AUTS2: variants seen among roughly 807,000 people sequenced by gnomAD.
AUTS2 encodes autism susceptibility gene 2 protein.
AUTS2 carries 17 observed loss-of-function variants against 112.4 expected under a neutral mutation model. The observed-to-expected ratio is 0.15, with a 90% CI of 0.10 to 0.23. The LOEUF (loss-of-function observed/expected upper bound fraction) is 0.23. Ranked by LOEUF, AUTS2 falls within the 10% of genes least tolerant of loss-of-function variation. The probability of loss-of-function intolerance (pLI) is 1.00; values close to 1 mark genes in which losing one functional copy is unlikely to be tolerated. For synonymous variants in AUTS2, 751 were observed against 702.7 expected (o/e 1.07, Z -1.09); for missense variants, 1,510 against 1,701.6 (o/e 0.89, Z 1.98).
intron 14 of AUTS2, among the ~76,000 whole-genome samples, chr7:70,779,372 G>T (rs920089366): frequency 6.6e-6 from 1 of 152,180 alleles, no homozygotes; most frequent in African/African-American, 2.4e-5. Context: ...TACTGTGGCG[G>T]GCTGGGGGCA....
chr7:70,697,560 T>TCCA (rs66739924), intron 5 of AUTS2, among the ~76,000 whole-genome samples: 134 of 127,796 alleles, frequency 1.0e-3, no homozygotes, highest in African/African-American at 3.9e-3. Context: ...ACTTCAGAAT[T>TCCA]CCCCCCCCCC....
intron 1 of AUTS2, among the ~76,000 whole-genome samples, chr7:69,664,386 T>C (rs558795406): frequency 6.6e-6 from 1 of 152,342 alleles, no homozygotes; most frequent in Non-Finnish European, 1.5e-5. Context: ...GAGTTTTGCC[T>C]ACATGCATTA....
chr7:69,848,268 A>G (rs1288637917), intron 1 of AUTS2, among the ~76,000 whole-genome samples: 1 of 152,160 alleles, frequency 6.6e-6, no homozygotes. Flanking sequence ...CTGTAACCCC[A>G]TTAAGAGGTT....
At chr7:70,023,007 A>G (rs1457190202) in intron 2 of AUTS2, among the ~76,000 whole-genome samples, 3 of 152,040 alleles carry the variant, frequency 2.0e-5, no homozygotes, top group Non-Finnish European at 4.4e-5. Context: ...ACACGCCACC[A>G]TACCTGGCTA....
chr7:69,679,912 A>G lies in AUTS2; in HGVS notation c.309+79950A>G, dbSNP rs151041904. Among the ~76,000 whole-genome samples, 1,238 of 152,340 alleles carry G rather than the reference A, an allele frequency of 8.1e-3. 25 individuals carry two copies. Among genetic ancestry groups the G allele is most frequent in the African/African-American group, 0.028 (1,172 of 41,578 alleles). Reference sequence around the variant, plus strand: ...TTTTTTTTAACTTTTGTGACACACAAGGACCTTTGAATGAAATCAGTCCCC... The same window carrying G: ...TTTTTTTTAACTTTTGTGACACACAGGGACCTTTGAATGAAATCAGTCCCC... On this transcript the variant is annotated intron_variant, in intron 1 of 18. Transcript: ENST00000342771.
At chr7:70,726,481 A>G (rs1165019202) in intron 6 of AUTS2, among the ~76,000 whole-genome samples, 2 of 152,216 alleles carry the variant, frequency 1.3e-5, no homozygotes, top group African/African-American at 4.8e-5. Flanking sequence ...TCCTATCAAA[A>G]TGGCATCTGA....
chr7:70,565,100 AAAAT>A (rs1217552551), intron 5 of AUTS2, among the ~76,000 whole-genome samples: 1 of 152,128 alleles, frequency 6.6e-6, no homozygotes, highest in Non-Finnish European at 1.5e-5. Context: ...TCTGTCTCAA[AAAAT>A]AAATAAATAA....
chr7:70,719,688 TC>T (rs1810563833), intron 6 of AUTS2, among the ~76,000 whole-genome samples: 1 of 152,042 alleles, frequency 6.6e-6, no homozygotes, highest in Non-Finnish European at 1.5e-5. Flanking sequence ...GGTCGTGAAC[TC>T]CTGACCTTGT....
At chr7:70,524,903 G>A (rs1006791293) in intron 5 of AUTS2, among the ~76,000 whole-genome samples, 2 of 152,208 alleles carry the variant, frequency 1.3e-5, no homozygotes, top group African/African-American at 2.4e-5. Flanking sequence ...AGAGAGAGTG[G>A]TAAAAGTTTA....
At chr7:69,849,837 G>T (rs559003067) in intron 1 of AUTS2, among the ~76,000 whole-genome samples, 18 of 152,004 alleles carry the variant, frequency 1.2e-4, no homozygotes, top group Admixed American at 5.2e-4. Flanking sequence ...TTAATCATTC[G>T]CTTATTGAGG....
intron 5 of AUTS2, among the ~76,000 whole-genome samples, chr7:70,649,815 C>T (rs1415937958): frequency 6.6e-6 from 1 of 152,054 alleles, no homozygotes; most frequent in Non-Finnish European, 1.5e-5. Flanking sequence ...GCGTGAGCCA[C>T]CGCACCCGGC....
intron 5 of AUTS2, among the ~76,000 whole-genome samples, chr7:70,565,755 T>A (rs1801683152): frequency 6.6e-6 from 1 of 152,226 alleles, no homozygotes; most frequent in South Asian, 2.1e-4. Flanking sequence ...CATTGAAGCA[T>A]TTCCATATAC....
chr7:70,364,164 G>T (rs1396426309), intron 4 of AUTS2, among the ~76,000 whole-genome samples: 1 of 152,072 alleles, frequency 6.6e-6, no homozygotes, highest in East Asian at 1.9e-4. Context: ...AAGGAAGGGA[G>T]ACTGGCTTAC....
At chr7:70,187,636 A>G (rs1809672868) in intron 4 of AUTS2, among the ~76,000 whole-genome samples, 1 of 152,200 alleles carries the variant, frequency 6.6e-6, no homozygotes, top group Non-Finnish European at 1.5e-5. Flanking sequence ...CATTATAATC[A>G]CGTGAACTTA....
intron 5 of AUTS2, among the ~76,000 whole-genome samples, chr7:70,484,586 C>T (rs1339598536): frequency 6.6e-6 from 1 of 152,138 alleles, no homozygotes; most frequent in Non-Finnish European, 1.5e-5. Context: ...CCAGGGGGCT[C>T]CCAGTGCCAC....
At chr7:69,988,581 C>CT (rs56875533) in intron 2 of AUTS2, among the ~76,000 whole-genome samples, 2 of 151,436 alleles carry the variant, frequency 1.3e-5, no homozygotes, top group Admixed American at 6.6e-5. Context: ...TTATGCATTG[C>CT]TTTTTTTTGT....
chr7:70,090,564 A>T (rs1417919303), intron 2 of AUTS2, among the ~76,000 whole-genome samples: 4 of 151,726 alleles, frequency 2.6e-5, no homozygotes, highest in Non-Finnish European at 5.9e-5. Flanking sequence ...GGATTTCACC[A>T]TATTGGCCAG....
Position 70,777,171 on chromosome 7 carries a change from C to T in AUTS2, c.2001C>T (p.Val667=). The change falls in exon 14 of 19, where the codon GTC becomes GTT. Residue 667 remains valine, a synonymous_variant. Transcript: ENST00000342771. ...AWQIYHHQQK[V]KKQMQSDPHK... Reference sequence around the variant, plus strand: ...AGATTTACCACCACCAACAGAAAGTCAAGGTCAGTCCGACCTTCGTGGTGT... The same window carrying T: ...AGATTTACCACCACCAACAGAAAGTTAAGGTCAGTCCGACCTTCGTGGTGT... 1 of 1,613,968 alleles carries T rather than the reference C, an allele frequency of 6.2e-7. No homozygotes were observed. Among genetic ancestry groups the T allele is most frequent in the Non-Finnish European group, 8.5e-7 (1 of 1,179,914 alleles).
At chr7:69,788,785 A>G (rs1789489618) in intron 1 of AUTS2, among the ~76,000 whole-genome samples, 1 of 150,980 alleles carries the variant, frequency 6.6e-6, no homozygotes, top group South Asian at 2.1e-4. Flanking sequence ...AAAAAAAAAG[A>G]CACTTCTATG....
Sources: allele counts gnomAD v4.1 joint callset (sites outside exome capture counted in the v4.1 genomes callset), GRCh38; gene constraint gnomAD v4.1.1; transcripts MANE v1.5; gene names NCBI Gene and HGNC (gene_info 2026-07-23, HGNC 2026-07-21).